Variants in MGAT4C observed in about 807,000 individuals in gnomAD.
MGAT4C encodes the protein alpha-1,3-mannosyl-glycoprotein 4-beta-N-acetylglucosaminyltransferase C.
MGAT4C carries 19 observed loss-of-function variants against 40.1 expected under a neutral mutation model. The observed-to-expected ratio is 0.47, with a 90% CI of 0.33 to 0.70. The LOEUF (loss-of-function observed/expected upper bound fraction) is 0.70. Among genes scored for constraint, MGAT4C ranks in the 30% least tolerant of loss-of-function variants. MGAT4C has a pLI of 0.02. For missense variants in MGAT4C, 491 were observed against 563.2 expected, an observed-to-expected ratio of 0.87 and a Z score of 1.30; for synonymous variants, 181 against 187.1, an observed-to-expected ratio of 0.97 and a Z score of 0.27.
chr12:86,428,177 T>C (rs1242053941), intron 3 of MGAT4C, among the ~76,000 whole-genome samples: 3 of 152,214 alleles, frequency 2.0e-5, no homozygotes, highest in Non-Finnish European at 4.4e-5. Context: ...TTATTTAGAT[T>C]ATTTCATTTA....
chr12:86,795,780 T>C (rs899086744), intron 1 of MGAT4C, among the ~76,000 whole-genome samples: 2 of 151,968 alleles, frequency 1.3e-5, no homozygotes, highest in South Asian at 4.1e-4. Context: ...CTAGAAAAAT[T>C]TGATGCCTAC....
At chr12:86,097,018 G>C (rs1470700467) in intron 1 of MGAT4C, among the ~76,000 whole-genome samples, 2 of 151,314 alleles carry the variant, frequency 1.3e-5, no homozygotes, top group African/African-American at 4.8e-5. Flanking sequence ...CTTCAGAACT[G>C]TATGTCCATG....
chr12:86,134,014 C>T (rs1398141106), intron 1 of MGAT4C, among the ~76,000 whole-genome samples: 1 of 151,964 alleles, frequency 6.6e-6, no homozygotes, highest in Non-Finnish European at 1.5e-5. Flanking sequence ...TCAAATGCTA[C>T]GTTTGCATTT....
At chr12:86,397,427 G>C (rs1956281600) in intron 3 of MGAT4C, among the ~76,000 whole-genome samples, 1 of 151,872 alleles carries the variant, frequency 6.6e-6, no homozygotes, top group South Asian at 2.1e-4. Context: ...CTCTAGGTAG[G>C]CTTTTGCCTC....
intron 1 of MGAT4C, among the ~76,000 whole-genome samples, chr12:86,742,613 G>A (rs182443505): frequency 1.3e-5 from 2 of 151,364 alleles, no homozygotes; most frequent in Non-Finnish European, 3.0e-5. Context: ...AATGAGATTA[G>A]TGGACCTGAA....
intron 2 of MGAT4C, among the ~76,000 whole-genome samples, chr12:86,464,439 A>C (rs1957648341): frequency 6.6e-6 from 1 of 152,156 alleles, no homozygotes; most frequent in South Asian, 2.1e-4. Context: ...TGATCATTAA[A>C]ACGTGCACAC....
intron 1 of MGAT4C, among the ~76,000 whole-genome samples, chr12:86,761,070 A>G (rs927148986): frequency 6.6e-6 from 1 of 152,228 alleles, no homozygotes; most frequent in African/African-American, 2.4e-5. Context: ...TGAAATATGT[A>G]TATTTTATAG....
intron 2 of MGAT4C, among the ~76,000 whole-genome samples, chr12:86,568,834 G>A (rs1396282501): frequency 6.6e-6 from 1 of 151,834 alleles, no homozygotes; most frequent in Non-Finnish European, 1.5e-5. Context: ...GGAGAAAGAT[G>A]CCCTTTTCAA....
chr12:86,230,061 A>T lies in MGAT4C; in HGVS notation c.-57+26178T>A, dbSNP rs945326940. Among the ~76,000 whole-genome samples, 8 of 152,078 alleles carry T rather than the reference A, an allele frequency of 5.3e-5. 1 individual carries two copies. The highest frequency in any genetic ancestry group is 1.9e-4 in the African/African-American group (8 of 41,436). On this transcript the variant is annotated intron_variant, in intron 1 of 4. Coordinates refer to ENST00000611864, the MANE Select transcript of MGAT4C (RefSeq NM_001351288.2). ...TGCTCCCCAGTAGAATGCAAGGTAC[A>T]CAAAAGGCAAGGATTCAGTTGGCTT...
intron 1 of MGAT4C, among the ~76,000 whole-genome samples, chr12:86,110,544 T>G (rs2135639965): frequency 6.6e-6 from 1 of 151,014 alleles, no homozygotes; most frequent in South Asian, 2.1e-4. Context: ...TTTAAAGTTC[T>G]TTAATGTCAT....
chr12:86,235,213 T>G (rs1001240013), intron 1 of MGAT4C, among the ~76,000 whole-genome samples: 2 of 152,174 alleles, frequency 1.3e-5, no homozygotes, highest in Non-Finnish European at 2.9e-5. Context: ...CTCCACTTGC[T>G]CAGATTCATC....
intron 1 of MGAT4C, among the ~76,000 whole-genome samples, chr12:86,121,898 G>GTTA (rs1879435609): frequency 6.6e-6 from 1 of 152,064 alleles, no homozygotes; most frequent in South Asian, 2.1e-4. Context: ...TCCCCCAAGG[G>GTTA]TTATACAAAT....
intron 2 of MGAT4C, among the ~76,000 whole-genome samples, chr12:86,454,871 A>C (rs547949496): frequency 7.9e-5 from 12 of 152,120 alleles, no homozygotes; most frequent in Non-Finnish European, 1.8e-4. Flanking sequence ...ATTTAATCCA[A>C]CAAATTTTAT....
At chr12:86,525,266 CCT>C (rs1958861777) in intron 2 of MGAT4C, among the ~76,000 whole-genome samples, 1 of 152,162 alleles carries the variant, frequency 6.6e-6, no homozygotes. Flanking sequence ...CTCCCACCAT[CCT>C]CTCTCTCCTA....
At chr12:86,376,426 G>T (rs1355600386) in intron 3 of MGAT4C, among the ~76,000 whole-genome samples, 2 of 151,760 alleles carry the variant, frequency 1.3e-5, no homozygotes, top group Middle Eastern at 3.2e-3. Flanking sequence ...AAAGATTATT[G>T]TGTATATACA....
At position 85,983,664 on chromosome 12, in the gene MGAT4C, C is replaced by G. The variant is rs149974845; in HGVS notation, c.154G>C (p.Asp52His). The change falls in exon 4 of 5, where the codon GAC becomes CAC. Residue 52 changes from aspartate to histidine, a missense_variant. Coordinates refer to ENST00000611864, the MANE Select transcript of MGAT4C (RefSeq NM_001351288.2). ...YIEDSYVLEG[D>H]KQLIRETSTH... ...GATGTTTCCCTTATAAGTTGTTTGT[C>G]TCCTTCCTAAATACCAAGAAAGAAG... The G allele has an allele frequency of 1.9e-6, 3 of 1,569,030 alleles. No individual in the cohort carries two copies. Among genetic ancestry groups the G allele is most frequent in the Non-Finnish European group, 1.7e-6 (2 of 1,160,502 alleles).
intron 2 of MGAT4C, among the ~76,000 whole-genome samples, chr12:86,478,681 C>T (rs1407173325): frequency 6.6e-6 from 1 of 152,026 alleles, no homozygotes; most frequent in African/African-American, 2.4e-5. Flanking sequence ...GAGCTTTTTG[C>T]AAGATTTGAA....
intron 2 of MGAT4C, among the ~76,000 whole-genome samples, chr12:85,998,216 C>G (rs992731109): frequency 6.6e-6 from 1 of 152,186 alleles, no homozygotes; most frequent in Non-Finnish European, 1.5e-5. Flanking sequence ...GGATTCAGGG[C>G]ACCTAGTCCC....
At chr12:86,401,131 T>C (rs1000218320) in intron 3 of MGAT4C, among the ~76,000 whole-genome samples, 5 of 152,034 alleles carry the variant, frequency 3.3e-5, no homozygotes, top group African/African-American at 1.2e-4. Flanking sequence ...TTTACATAGG[T>C]AACTTAAATA....
Sources: allele counts gnomAD v4.1 joint callset (sites outside exome capture counted in the v4.1 genomes callset), GRCh38; gene constraint gnomAD v4.1.1; transcripts MANE v1.5; gene names NCBI Gene and HGNC (gene_info 2026-07-23, HGNC 2026-07-21).